ERBB4: variants seen among roughly 807,000 people sequenced by gnomAD.
ERBB4 encodes receptor tyrosine-protein kinase erbB-4.
In ERBB4, 42 loss-of-function variants were observed where a neutral mutation model predicts 158.0. The ratio of observed to expected loss-of-function variants is 0.27; its 90% CI spans 0.21 to 0.34. The LOEUF (loss-of-function observed/expected upper bound fraction) is 0.34, where lower values mean the gene tolerates loss of function less well. ERBB4 is among the 10% of genes least tolerant of loss of function. ERBB4 has a pLI of 1.00. For missense variants in ERBB4, 1,333 were observed against 1,624.1 expected, an observed-to-expected ratio of 0.82 and a Z score of 3.08; for synonymous variants, 583 against 558.7, an observed-to-expected ratio of 1.04 and a Z score of -0.61.
At chr2:212,331,801 AT>A (rs1553619377) in intron 1 of ERBB4, among the ~76,000 whole-genome samples, 1 of 152,022 alleles carries the variant, frequency 6.6e-6, no homozygotes, top group Non-Finnish European at 1.5e-5. Flanking sequence ...TTTTTTGGTC[AT>A]TTTTATACAG....
chr2:211,858,708 T>C (rs1423741084), intron 3 of ERBB4, among the ~76,000 whole-genome samples: 1 of 152,186 alleles, frequency 6.6e-6, no homozygotes, highest in Non-Finnish European at 1.5e-5. Context: ...AGCTGTAACA[T>C]AGAAATATAC....
intron 1 of ERBB4, among the ~76,000 whole-genome samples, chr2:212,191,709 T>C (rs1287808510): frequency 6.7e-6 from 1 of 148,966 alleles, no homozygotes; most frequent in African/African-American, 2.5e-5. Flanking sequence ...ACACGTGTTA[T>C]ACATGTTACA....
intron 12 of ERBB4, among the ~76,000 whole-genome samples, chr2:211,701,523 A>G (rs1420798866): frequency 2.0e-5 from 3 of 151,788 alleles, no homozygotes; most frequent in South Asian, 2.1e-4. Flanking sequence ...TTGGGAGGCC[A>G]AGGTGGGCGG....
chr2:212,175,872 T>C (rs2081648798), intron 1 of ERBB4, among the ~76,000 whole-genome samples: 1 of 151,944 alleles, frequency 6.6e-6, no homozygotes, highest in Admixed American at 6.6e-5. Context: ...GTCACAATGC[T>C]GAACCCCAGA....
At chr2:211,940,305 C>T (rs2080456734) in intron 3 of ERBB4, among the ~76,000 whole-genome samples, 1 of 152,100 alleles carries the variant, frequency 6.6e-6, no homozygotes, top group Non-Finnish European at 1.5e-5. Context: ...ATTTCTAGTA[C>T]TACATTTGGG....
At chr2:211,860,594 G>A (rs1169848060) in intron 3 of ERBB4, among the ~76,000 whole-genome samples, 1 of 151,996 alleles carries the variant, frequency 6.6e-6, no homozygotes, top group African/African-American at 2.4e-5. Flanking sequence ...AGTCTGTAAT[G>A]TTCTGCATTT....
intron 1 of ERBB4, among the ~76,000 whole-genome samples, chr2:212,381,091 G>T (rs565411133): frequency 6.6e-6 from 1 of 151,330 alleles, no homozygotes; most frequent in South Asian, 2.1e-4. Context: ...TCACACAAAA[G>T]ATTTAAATTA....
chr2:211,424,366 T>C, intron 22 of ERBB4, 65 bp from the exon 23 acceptor site: 1 of 1,136,368 alleles, frequency 8.8e-7, no homozygotes, highest in East Asian at 2.4e-5. Context: ...ACCAGCACTA[T>C]ACCAGTAGTA....
At chr2:211,614,163 A>G (rs573271546) in intron 19 of ERBB4, among the ~76,000 whole-genome samples, 2 of 152,192 alleles carry the variant, frequency 1.3e-5, no homozygotes, top group South Asian at 4.1e-4. Flanking sequence ...TGAAATCAGC[A>G]AGGCAGAGAA....
intron 4 of ERBB4, among the ~76,000 whole-genome samples, chr2:211,782,653 G>C (rs2076064194): frequency 6.6e-6 from 1 of 152,186 alleles, no homozygotes; most frequent in African/African-American, 2.4e-5. Flanking sequence ...AGAGAAGATG[G>C]TGTAGTTCAG....
intron 2 of ERBB4, among the ~76,000 whole-genome samples, chr2:212,064,226 T>G (rs540725349): frequency 1.8e-4 from 28 of 152,272 alleles, no homozygotes; most frequent in African/African-American, 6.5e-4. Flanking sequence ...GAGACAGGTA[T>G]GTCTAGCATA....
intron 1 of ERBB4, among the ~76,000 whole-genome samples, chr2:212,408,505 T>C (rs2091412364): frequency 6.6e-6 from 1 of 152,104 alleles, no homozygotes; most frequent in Non-Finnish European, 1.5e-5. Context: ...AGGCCAGGCA[T>C]GGGGCCACAT....
At chr2:211,584,349 CA>C (rs1445893119) in intron 19 of ERBB4, among the ~76,000 whole-genome samples, 2 of 151,860 alleles carry the variant, frequency 1.3e-5, no homozygotes, top group African/African-American at 2.4e-5. Context: ...TTCATTTGTA[CA>C]TTTGAAGATA....
chr2:211,937,375 G>A (rs1031248589), intron 3 of ERBB4, among the ~76,000 whole-genome samples: 2 of 152,134 alleles, frequency 1.3e-5, no homozygotes, highest in East Asian at 3.8e-4. Context: ...AATCGGCAGT[G>A]TCTATTCTAG....
intron 1 of ERBB4, among the ~76,000 whole-genome samples, chr2:212,125,845 G>T (rs901464386): frequency 5.3e-5 from 8 of 152,260 alleles, no homozygotes; most frequent in African/African-American, 1.7e-4. Context: ...GTGATTCCAT[G>T]TCTTTTCTAT....
intron 12 of ERBB4, among the ~76,000 whole-genome samples, chr2:211,686,186 C>T (rs1408116547): frequency 3.3e-5 from 5 of 152,048 alleles, no homozygotes; most frequent in Non-Finnish European, 7.4e-5. Context: ...TGTTCCCAAT[C>T]TAGTGCAAAA....
At chr2:212,052,482 C>T (rs758757005) in intron 2 of ERBB4, among the ~76,000 whole-genome samples, 1 of 152,108 alleles carries the variant, frequency 6.6e-6, no homozygotes, top group Admixed American at 6.5e-5. Flanking sequence ...TAGTTCTGTC[C>T]CCCTAGAGAA....
intron 14 of ERBB4, among the ~76,000 whole-genome samples, chr2:211,669,755 C>T (rs537653232): frequency 2.0e-5 from 3 of 152,042 alleles, no homozygotes; most frequent in East Asian, 3.9e-4. Context: ...GCATTTTATC[C>T]CTATTGCACT....
chr2:212,136,456 A>T (rs1006546556), intron 1 of ERBB4, among the ~76,000 whole-genome samples: 14 of 152,234 alleles, frequency 9.2e-5, no homozygotes, highest in Admixed American at 3.3e-4. Flanking sequence ...ATGCTTGTTT[A>T]TAAGGTCTCT....
Sources: gnomAD v4.1 joint callset for allele counts (sites outside exome capture counted in the v4.1 genomes callset) on GRCh38, gnomAD v4.1.1 for gene constraint, MANE v1.5 for transcripts, NCBI Gene and HGNC (gene_info 2026-07-23, HGNC 2026-07-21) for gene names.